RGPD2: variants seen among roughly 807,000 people sequenced by gnomAD.
RGPD2 encodes the protein RANBP2 like and GRIP domain containing 2.
A neutral mutation model predicts 36.0 loss-of-function variants in RGPD2; 2 were observed. The observed-to-expected ratio is 0.06, with a 90% CI of 0.02 to 0.17. RGPD2 has a LOEUF of 0.17. Among genes scored for constraint, RGPD2 ranks in the 10% least tolerant of loss-of-function variants. RGPD2 has a pLI of 1.00. For missense variants in RGPD2, 40 were observed against 464.3 expected (o/e 0.09, Z 8.40); for synonymous variants, 19 against 163.8 (o/e 0.12, Z 6.75).
At chr2:87,867,776 T>A in the RGPD2 span, among the ~76,000 whole-genome samples, 1 of 146,648 alleles carries the variant, frequency 6.8e-6, no homozygotes, top group Middle Eastern at 3.6e-3. Context: ...TACAATATAA[T>A]ATATATAATT....
chr2:87,836,949 C>G, the RGPD2 span, among the ~76,000 whole-genome samples: 2 of 151,922 alleles, frequency 1.3e-5, no homozygotes, highest in African/African-American at 4.8e-5. Flanking sequence ...TCAGACAAAA[C>G]AGACTTTAAA....
the RGPD2 span, among the ~76,000 whole-genome samples, chr2:87,964,435 T>C: frequency 7.2e-5 from 11 of 152,182 alleles, no homozygotes; most frequent in Admixed American, 5.9e-4. Context: ...TATCCAAGCA[T>C]ACCTCATTTT....
the RGPD2 span, among the ~76,000 whole-genome samples, chr2:87,878,753 G>A: frequency 2.6e-5 from 4 of 152,060 alleles, no homozygotes; most frequent in African/African-American, 9.7e-5. Context: ...TACCCCCACA[G>A]CCTCTGGTAA....
At chr2:87,940,140 A>G in the RGPD2 span, among the ~76,000 whole-genome samples, 10 of 151,892 alleles carry the variant, frequency 6.6e-5, no homozygotes, top group Admixed American at 2.6e-4. Flanking sequence ...AGAAGGAAAG[A>G]CAAACAAAAA....
chr2:87,938,322 G>A, the RGPD2 span, among the ~76,000 whole-genome samples: 1,800 of 151,872 alleles, frequency 0.012, 16 homozygotes, highest in Non-Finnish European at 0.018. Flanking sequence ...ATTTACAACA[G>A]CCCAGAAAGA....
At chr2:87,970,090 T>C in the RGPD2 span, among the ~76,000 whole-genome samples, 1 of 151,416 alleles carries the variant, frequency 6.6e-6, no homozygotes. Flanking sequence ...AGTTGTTTTA[T>C]ACCATGAAGT....
intron 22 of RGPD2, among the ~76,000 whole-genome samples, chr2:87,769,425 C>T (rs1401531966): frequency 6.6e-6 from 1 of 151,020 alleles, no homozygotes; most frequent in Admixed American, 6.6e-5. Flanking sequence ...ATGTGTTTTC[C>T]TGTCTGTTTA....
intron 22 of RGPD2, among the ~76,000 whole-genome samples, chr2:87,757,951 TG>T (rs1174150967): frequency 1.8e-5 from 1 of 54,646 alleles, no homozygotes; most frequent in African/African-American, 7.3e-5. Flanking sequence ...ACTGAGGTCT[TG>T]GGGGGTGGGG....
chr2:87,809,631 G>A (rs1456904723), intron 6 of RGPD2, among the ~76,000 whole-genome samples: 2 of 142,612 alleles, frequency 1.4e-5, no homozygotes. Flanking sequence ...GGGCCCATGA[G>A]TCCTGATTAA....
Position 87,756,489 on chromosome 2 carries a change from T to G in RGPD2, c.*903A>C. ...AGTGATCTCATTTTATATTGTTTAC[T>G]TGAATATTTCCTGTAACCCCCCTGT... On this transcript the variant is annotated 3_prime_UTR_variant, in exon 23 of 23. Transcript: ENST00000398146. 3.5e-6 allele frequency: 1 copy of G among 288,624 alleles called. No individual in the cohort carries two copies. The highest frequency in any genetic ancestry group is 6.7e-6 in the Non-Finnish European group (1 of 148,340). 17.9% of individuals were successfully genotyped at this position (288,624 alleles called of 1,614,324 possible). A position where few individuals can be genotyped will look rare whatever the true frequency, so the allele number is the denominator to read the frequency against.
the RGPD2 span, among the ~76,000 whole-genome samples, chr2:87,936,274 G>A: frequency 6.6e-6 from 1 of 151,484 alleles, no homozygotes; most frequent in Non-Finnish European, 1.5e-5. Context: ...ACAGGAATAG[G>A]GACTACAGAG....
At chr2:87,881,480 T>C in the RGPD2 span, among the ~76,000 whole-genome samples, 1 of 151,104 alleles carries the variant, frequency 6.6e-6, no homozygotes, top group South Asian at 2.1e-4. Context: ...CCAAGTTTTC[T>C]TTACTCTTTT....
Position 87,763,224 on chromosome 2 carries a change from C to T in RGPD2, c.5237-5798G>A, listed in dbSNP as rs1328908825. Among the ~76,000 whole-genome samples the T allele has an allele frequency of 6.5e-5, 9 of 139,446 alleles. 1 individual carries two copies. The highest frequency in any genetic ancestry group is 2.5e-4 in the African/African-American group (9 of 36,286). 91.5% of individuals were successfully genotyped at this position (139,446 alleles called of 152,430 possible). ...CCAGGCTGGAGTGCAGTGGCACGAT[C>T]TCAGCTCACTGCAAGCTCCGCCTCC... On this transcript the variant is annotated intron_variant, in intron 22 of 22. Transcript: ENST00000398146.
chr2:87,965,120 G>C, the RGPD2 span, among the ~76,000 whole-genome samples: 43 of 134,486 alleles, frequency 3.2e-4, no homozygotes, highest in East Asian at 7.6e-3. Flanking sequence ...ATCTTGGATG[G>C]CTTTTTGTAT....
chr2:87,866,667 A>G, the RGPD2 span, among the ~76,000 whole-genome samples: 1 of 152,152 alleles, frequency 6.6e-6, no homozygotes, highest in African/African-American at 2.4e-5. Flanking sequence ...TCCCTCCTGG[A>G]TGGGGTGCTT....
the RGPD2 span, among the ~76,000 whole-genome samples, chr2:87,987,941 G>C: frequency 3.9e-5 from 5 of 128,240 alleles, no homozygotes; most frequent in Non-Finnish European, 8.2e-5. Context: ...TATATATTTT[G>C]CTTAGGCTTA....
At chr2:87,824,792 G>GCCCGGCC (rs1686593141) in intron 1 of RGPD2, 1 of 39,108 alleles carries the variant, frequency 2.6e-5, no homozygotes, top group Admixed American at 2.8e-4. Context: ...GGCCGAGGCC[G>GCCCGGCC]AGGCCGCCGC....
At chr2:87,866,635 T>TGGC in the RGPD2 span, among the ~76,000 whole-genome samples, 2 of 152,268 alleles carry the variant, frequency 1.3e-5, no homozygotes, top group African/African-American at 2.4e-5. Flanking sequence ...GGGTGCATGG[T>TGGC]GGCTCCCCTT....
At chr2:87,842,136 T>G in the RGPD2 span, among the ~76,000 whole-genome samples, 1 of 152,206 alleles carries the variant, frequency 6.6e-6, no homozygotes, top group Non-Finnish European at 1.5e-5. Flanking sequence ...AGCATTCCCT[T>G]TGAAAACTGG....
Sources: gnomAD v4.1 joint callset for allele counts (sites outside exome capture counted in the v4.1 genomes callset) on GRCh38, gnomAD v4.1.1 for gene constraint, MANE v1.5 for transcripts, NCBI Gene and HGNC (gene_info 2026-07-23, HGNC 2026-07-21) for gene names.